Variants in AGBL1 observed in about 807,000 individuals in gnomAD.
AGBL1 encodes the protein cytosolic carboxypeptidase 4.
AGBL1 carries 130 observed loss-of-function variants against 118.9 expected under a neutral mutation model. That is an observed-to-expected ratio of 1.09 (90% CI 0.95 to 1.26). The LOEUF is 1.26. AGBL1 is among the 50% of genes most tolerant of loss of function. The probability of loss-of-function intolerance (pLI) is 0.00; values close to 1 mark genes in which losing one functional copy is unlikely to be tolerated. For missense variants in AGBL1, 1,584 were observed against 1,298.1 expected, an observed-to-expected ratio of 1.22 and a Z score of -3.38; for synonymous variants, 555 against 478.9, an observed-to-expected ratio of 1.16 and a Z score of -2.08.
Position 86,303,604 on chromosome 15 carries a change from C to T in AGBL1, c.2374+8196C>T, listed in dbSNP as rs143332015. ...AGAACTAAGGCTAAATATAATTATA[C>T]AGCCAATATGCTATAAAATATACTC... On this transcript the variant is annotated intron_variant, in intron 17 of 22. Transcript: ENST00000614907. Among the ~76,000 whole-genome samples the T allele has an allele frequency of 2.9e-3, 440 of 152,202 alleles. 1 individual carries two copies. The highest frequency in any genetic ancestry group is 0.01 in the African/African-American group (425 of 41,538).
intron 18 of AGBL1, among the ~76,000 whole-genome samples, chr15:86,491,019 A>C (rs1354492268): frequency 3.3e-5 from 5 of 152,094 alleles, no homozygotes; most frequent in Non-Finnish European, 7.4e-5. Context: ...TTTGTCTAGC[A>C]CTGTGGTTAT....
At chr15:86,870,037 C>T (rs544554401) in intron 22 of AGBL1, among the ~76,000 whole-genome samples, 1 of 152,294 alleles carries the variant, frequency 6.6e-6, no homozygotes, top group African/African-American at 2.4e-5. Context: ...CCTTCGACTG[C>T]ATCACCCCAC....
At chr15:86,923,382 C>T (rs371342059) in intron 23 of AGBL1, among the ~76,000 whole-genome samples, 1 of 152,166 alleles carries the variant, frequency 6.6e-6, no homozygotes, top group East Asian at 1.9e-4. Context: ...GCTTTTCAGG[C>T]AGAGTGGCCT....
At chr15:86,861,581 C>T (rs2079559046) in intron 22 of AGBL1, among the ~76,000 whole-genome samples, 1 of 152,184 alleles carries the variant, frequency 6.6e-6, no homozygotes, top group African/African-American at 2.4e-5. Context: ...CTCTGTTACT[C>T]AGTTTTCCCG....
At chr15:86,548,966 G>A (rs1208909279) in intron 20 of AGBL1, among the ~76,000 whole-genome samples, 1 of 152,006 alleles carries the variant, frequency 6.6e-6, no homozygotes, top group African/African-American at 2.4e-5. Context: ...AACAGAGCCA[G>A]GAAAAGAGTC....
intron 21 of AGBL1, among the ~76,000 whole-genome samples, chr15:86,665,728 T>C (rs1017755735): frequency 4.6e-5 from 7 of 152,142 alleles, no homozygotes; most frequent in African/African-American, 1.7e-4. Context: ...TTTTTATCAT[T>C]AAATTCTTTG....
chr15:86,468,604 G>C (rs1012044266), intron 18 of AGBL1, among the ~76,000 whole-genome samples: 4 of 152,130 alleles, frequency 2.6e-5, no homozygotes, highest in Non-Finnish European at 5.9e-5. Flanking sequence ...ATTAGCCCTT[G>C]GTGGAGCTTC....
At chr15:86,855,066 T>G (rs1199075303) in intron 22 of AGBL1, among the ~76,000 whole-genome samples, 1 of 152,136 alleles carries the variant, frequency 6.6e-6, no homozygotes, top group Non-Finnish European at 1.5e-5. Context: ...CAGGGAAATA[T>G]GGGGAAGAAG....
chr15:86,967,053 G>C (rs2081062395), intron 23 of AGBL1, among the ~76,000 whole-genome samples: 1 of 152,150 alleles, frequency 6.6e-6, no homozygotes, highest in African/African-American at 2.4e-5. Context: ...TTGTGGTTTT[G>C]ATTTGCATTT....
chr15:86,601,649 A>C (rs1365694491), intron 21 of AGBL1, among the ~76,000 whole-genome samples: 1 of 152,224 alleles, frequency 6.6e-6, no homozygotes, highest in Admixed American at 6.5e-5. Flanking sequence ...AGAAGGCACA[A>C]GTGGTGAGCT....
At position 86,749,138 on chromosome 15, in the gene AGBL1, A is replaced by G. The variant is rs183813321; in HGVS notation, c.3158+74702A>G. ...TTCACGATATTGATTCTTCCTATCA[A>G]TGAGCATGGAATGTTCTTCCATTTG... On this transcript the variant is annotated intron_variant, in intron 22 of 22. Coordinates refer to ENST00000614907, the MANE Select transcript of AGBL1 (RefSeq NM_001386094.1). Among the ~76,000 whole-genome samples the G allele has an allele frequency of 5.0e-3, 759 of 152,296 alleles. 8 individuals carry two copies. Among genetic ancestry groups the G allele is most frequent in the African/African-American group, 0.017 (713 of 41,544 alleles).
At chr15:86,745,378 CATT>C (rs1231335101) in intron 22 of AGBL1, among the ~76,000 whole-genome samples, 1 of 151,932 alleles carries the variant, frequency 6.6e-6, no homozygotes, top group Non-Finnish European at 1.5e-5. Context: ...TTAAGTGAAA[CATT>C]ATATTGAGGG....
chr15:86,372,981 C>T (rs1171788455), intron 17 of AGBL1, among the ~76,000 whole-genome samples: 1 of 152,238 alleles, frequency 6.6e-6, no homozygotes, highest in Non-Finnish European at 1.5e-5. Context: ...TGATCTAACC[C>T]TGTAACCCCT....
chr15:86,684,448 C>G (rs2086017045), intron 22 of AGBL1, among the ~76,000 whole-genome samples: 1 of 148,046 alleles, frequency 6.8e-6, no homozygotes, highest in Non-Finnish European at 1.5e-5. Flanking sequence ...TAGTTAGTAC[C>G]TAGCATAGTT....
At chr15:86,930,874 A>G (rs2080595806) in intron 23 of AGBL1, among the ~76,000 whole-genome samples, 1 of 152,214 alleles carries the variant, frequency 6.6e-6, no homozygotes, top group Admixed American at 6.5e-5. Flanking sequence ...GCTTAAAACA[A>G]TAGTCAAGGA....
chr15:86,306,663 T>G (rs144857052), intron 17 of AGBL1, among the ~76,000 whole-genome samples: 1 of 152,176 alleles, frequency 6.6e-6, no homozygotes, highest in African/African-American at 2.4e-5. Context: ...CTGATTTCCT[T>G]TCTTTTGAGT....
intron 18 of AGBL1, among the ~76,000 whole-genome samples, chr15:86,466,896 T>C (rs1056711422): frequency 2.0e-5 from 3 of 152,192 alleles, no homozygotes; most frequent in Non-Finnish European, 4.4e-5. Flanking sequence ...ACCCACCAGA[T>C]GCCAGCCAGA....
intron 19 of AGBL1, among the ~76,000 whole-genome samples, chr15:86,537,312 A>T (rs1465348245): frequency 6.6e-6 from 1 of 152,244 alleles, no homozygotes; most frequent in Non-Finnish European, 1.5e-5. Flanking sequence ...TGGTACACCA[A>T]ATAGATTAAT....
At position 86,710,553 on chromosome 15, in the gene AGBL1, A is replaced by G. The variant is rs566868292; in HGVS notation, c.3158+36117A>G. 1.2e-4 allele frequency among the ~76,000 whole-genome samples: 19 copies of G among 152,198 alleles called. 1 individual carries two copies. The highest frequency in any genetic ancestry group is 2.9e-5 in the Non-Finnish European group (2 of 68,032). ...TAGATTTGTGAAAATAAATCATGTC[A>G]AACACATTTGATTACCCTTTAAAAT... On this transcript the variant is annotated intron_variant, in intron 22 of 22. Transcript: ENST00000614907.
Sources: allele counts gnomAD v4.1 joint callset (sites outside exome capture counted in the v4.1 genomes callset), GRCh38; gene constraint gnomAD v4.1.1; transcripts MANE v1.5; gene names NCBI Gene and HGNC (gene_info 2026-07-23, HGNC 2026-07-21).